The following FAT3 variants were observed in gnomAD, a reference collection of about 807,000 sequenced individuals.
FAT3 encodes the protein FAT atypical cadherin 3.
Under a neutral mutation model 310.2 loss-of-function variants are expected in FAT3, and 95 were observed. The observed-to-expected ratio is 0.31, with a 90% CI of 0.26 to 0.36. The LOEUF (loss-of-function observed/expected upper bound fraction) is 0.36, where lower values mean the gene tolerates loss of function less well. Among genes scored for constraint, FAT3 ranks in the 10% least tolerant of loss-of-function variants. The pLI is 1.00. For synonymous variants in FAT3, 2,314 were observed against 2,192.9 expected (o/e 1.06, Z -1.54); for missense variants, 5,408 against 5,715.6 (o/e 0.95, Z 1.74).
chr11:92,365,516 T>A (rs1948994880), intron 2 of FAT3, among the ~76,000 whole-genome samples: 1 of 152,212 alleles, frequency 6.6e-6, no homozygotes, highest in Admixed American at 6.5e-5. Flanking sequence ...TCCACATTTA[T>A]CATGCACCTG....
chr11:92,729,371 C>T (rs1019460016), intron 4 of FAT3, among the ~76,000 whole-genome samples: 4 of 151,618 alleles, frequency 2.6e-5, no homozygotes, highest in Admixed American at 2.0e-4. Context: ...ACATCTCTCA[C>T]GTGTGGGAAA....
At chr11:92,337,524 T>C (rs1948121594) in intron 1 of FAT3, among the ~76,000 whole-genome samples, 1 of 152,150 alleles carries the variant, frequency 6.6e-6, no homozygotes, top group Admixed American at 6.5e-5. Context: ...CTCTGCCTCC[T>C]GGGTTCAAGC....
intron 2 of FAT3, among the ~76,000 whole-genome samples, chr11:92,511,619 A>T (rs1316138145): frequency 6.6e-6 from 1 of 152,168 alleles, no homozygotes; most frequent in Admixed American, 6.5e-5. Context: ...AAGTGCTAAG[A>T]TAAAAGGCAG....
At chr11:92,569,868 G>C (rs1955608352) in intron 3 of FAT3, among the ~76,000 whole-genome samples, 1 of 152,126 alleles carries the variant, frequency 6.6e-6, no homozygotes, top group Non-Finnish European at 1.5e-5. Flanking sequence ...GTAATTGGTT[G>C]GAAAAGTGAT....
At chr11:92,518,760 T>G (rs1953584356) in intron 2 of FAT3, among the ~76,000 whole-genome samples, 1 of 152,006 alleles carries the variant, frequency 6.6e-6, no homozygotes, top group East Asian at 1.9e-4. Flanking sequence ...TATACTAAAA[T>G]TAAACAATTG....
At chr11:92,553,344 C>T (rs539004811) in intron 3 of FAT3, among the ~76,000 whole-genome samples, 2 of 152,202 alleles carry the variant, frequency 1.3e-5, no homozygotes, top group African/African-American at 4.8e-5. Context: ...CTGCTTAGTG[C>T]CAAAAGATGT....
intron 3 of FAT3, among the ~76,000 whole-genome samples, chr11:92,549,811 T>G (rs1037427843): frequency 6.6e-5 from 10 of 152,130 alleles, no homozygotes; most frequent in Non-Finnish European, 1.0e-4. Flanking sequence ...CAAGATCCTG[T>G]TTTTTTGTAC....
At chr11:92,602,982 C>A (rs1940103836) in intron 3 of FAT3, among the ~76,000 whole-genome samples, 1 of 152,142 alleles carries the variant, frequency 6.6e-6, no homozygotes, top group South Asian at 2.1e-4. Context: ...GATTTAATAG[C>A]CTCATGCATA....
chr11:92,429,398 AT>A (rs1332718590), intron 2 of FAT3, among the ~76,000 whole-genome samples: 1 of 152,176 alleles, frequency 6.6e-6, no homozygotes, highest in Non-Finnish European at 1.5e-5. Flanking sequence ...TAAGATTGTT[AT>A]GTGTGAATTT....
chr11:92,656,807 G>A (rs182033995), intron 3 of FAT3, among the ~76,000 whole-genome samples: 1 of 152,280 alleles, frequency 6.6e-6, no homozygotes, highest in African/African-American at 2.4e-5. Flanking sequence ...TTTATTGATG[G>A]AAGAACTAAA....
rs545860259 is a variant in FAT3, at chr11:92,538,813, T to C, written c.3607+13865T>C. On this transcript the variant is annotated intron_variant, in intron 3 of 27. Transcript: ENST00000525166. ...TAAGTAAATAATATTAAGGTTCTTA[T>C]GGGACCTTTTTTTCTGGCAATAATG... is the stretch of plus-strand genomic sequence containing the variant. 2.2e-4 allele frequency among the ~76,000 whole-genome samples: 33 copies of C among 152,302 alleles called. No homozygotes were observed. The East Asian group carries it at 4.6e-3, about 21-fold the overall frequency.
intron 3 of FAT3, among the ~76,000 whole-genome samples, chr11:92,561,960 C>T (rs140345067): frequency 1.9e-3 from 294 of 152,180 alleles, no homozygotes; most frequent in African/African-American, 6.7e-3. Context: ...TAAATAAGAA[C>T]GTCTCCTGCT....
intron 13 of FAT3, among the ~76,000 whole-genome samples, chr11:92,823,208 A>G (rs546319161): frequency 6.6e-6 from 1 of 152,312 alleles, no homozygotes; most frequent in East Asian, 1.9e-4. Context: ...AGTGGCCCAT[A>G]TAGAAAACCC....
At chr11:92,339,411 G>C (rs1173689953) in intron 1 of FAT3, among the ~76,000 whole-genome samples, 1 of 152,166 alleles carries the variant, frequency 6.6e-6, no homozygotes, top group Non-Finnish European at 1.5e-5. Context: ...TATTTATTGA[G>C]CACCTACTAT....
intron 2 of FAT3, among the ~76,000 whole-genome samples, chr11:92,377,418 G>A (rs188238798): frequency 1.7e-4 from 26 of 152,252 alleles, no homozygotes; most frequent in Admixed American, 1.6e-3. Flanking sequence ...TCCATGTTGT[G>A]TATTTTGTCT....
At chr11:92,415,064 T>G (rs1227480116) in intron 2 of FAT3, among the ~76,000 whole-genome samples, 3 of 152,168 alleles carry the variant, frequency 2.0e-5, no homozygotes, top group African/African-American at 7.2e-5. Context: ...TGGCTTGTAT[T>G]TTAATATTTC....
Position 92,510,736 on chromosome 11 carries a change from T to G in FAT3, c.3293-13898T>G, listed in dbSNP as rs1953263713. On this transcript the variant is annotated intron_variant, in intron 2 of 27. Transcript: ENST00000525166. ...ATTTTCATTAACTCCAAATAAAAGC[T>G]TGAATTCAGCCTGAAGCCCTTTGCC... Among the ~76,000 whole-genome samples, 3 of 152,196 alleles carry G rather than the reference T, an allele frequency of 2.0e-5. No homozygotes were observed. The South Asian group carries it at 6.2e-4, about 31-fold the overall frequency.
At chr11:92,255,270 T>C (rs903684203) in intron 1 of FAT3, among the ~76,000 whole-genome samples, 1 of 151,912 alleles carries the variant, frequency 6.6e-6, no homozygotes, top group Non-Finnish European at 1.5e-5. Context: ...TAATAATTAT[T>C]TGCATACTTT....
intron 1 of FAT3, among the ~76,000 whole-genome samples, chr11:92,254,934 G>A (rs566811374): frequency 6.6e-6 from 1 of 152,216 alleles, no homozygotes; most frequent in African/African-American, 2.4e-5. Context: ...TTGAACTCCT[G>A]ATCTCAGGTA....
Sources: gnomAD v4.1 joint callset for allele counts (sites outside exome capture counted in the v4.1 genomes callset) on GRCh38, gnomAD v4.1.1 for gene constraint, MANE v1.5 for transcripts, NCBI Gene and HGNC (gene_info 2026-07-23, HGNC 2026-07-21) for gene names.